TMOD3: variants seen among roughly 807,000 people sequenced by gnomAD.
The protein encoded by TMOD3 is tropomodulin-3.
TMOD3 carries 20 observed loss-of-function variants against 39.2 expected under a neutral mutation model. The observed-to-expected ratio is 0.51, with a 90% CI of 0.36 to 0.74. The LOEUF (loss-of-function observed/expected upper bound fraction) is 0.74. Ranked by LOEUF, TMOD3 falls within the 30% of genes least tolerant of loss-of-function variation. The pLI, the probability that TMOD3 is intolerant of heterozygous loss-of-function variation, is 0.00. For missense variants in TMOD3, 381 were observed against 412.8 expected, an observed-to-expected ratio of 0.92 and a Z score of 0.67; for synonymous variants, 143 against 145.8, an observed-to-expected ratio of 0.98 and a Z score of 0.14.
intron 1 of TMOD3, among the ~76,000 whole-genome samples, chr15:51,832,028 A>G (rs1046116082): frequency 4.6e-5 from 7 of 150,828 alleles, no homozygotes; most frequent in East Asian, 2.0e-4. Context: ...ACAAAATAAA[A>G]TAGATTAGCC....
intron 1 of TMOD3, chr15:51,858,406 A>G (rs1344224120): frequency 1.3e-5 from 2 of 149,640 alleles, no homozygotes; most frequent in East Asian, 3.9e-4. Context: ...ACAAACAGTA[A>G]TGACAATGAT....
At chr15:51,846,151 AC>A (rs202006151) in intron 1 of TMOD3, among the ~76,000 whole-genome samples, 1,228 of 115,508 alleles carry the variant, frequency 0.011, 46 homozygotes, top group East Asian at 0.088. Context: ...CCCCATTTCT[AC>A]CAAAAAAAAA....
chr15:51,891,131 C>G (rs1026401696), intron 5 of TMOD3, among the ~76,000 whole-genome samples: 2 of 152,062 alleles, frequency 1.3e-5, no homozygotes, highest in Admixed American at 6.6e-5. Context: ...TTCCTCTGTT[C>G]TCTCCAAAAT....
rs2056705580 is a variant in TMOD3 at position 51,910,636 on chromosome 15, C to T, written c.*1826C>T. The T allele has an allele frequency of 6.6e-6, 1 of 152,178 alleles. No individual in the cohort carries two copies. Among genetic ancestry groups the T allele is most frequent in the South Asian group, 2.1e-4 (1 of 4,822 alleles). The allele number at this position is 152,178 out of a possible 1,614,324, so 9.4% of individuals were successfully genotyped here. ...AATTGCAATATGTCTGCTACTTTGG[C>T]TTGGGCTGGACAGTTTATCTAATAA... On this transcript the variant is annotated 3_prime_UTR_variant, in exon 10 of 10. Transcript: ENST00000308580.
chr15:51,887,716 C>T lies in TMOD3; in HGVS notation c.406+5C>T, dbSNP rs775853492. The T allele has an allele frequency of 2.5e-6, 4 of 1,613,324 alleles. No individual in the cohort carries two copies. In the Admixed American group the frequency reaches 5.0e-5, roughly 20 times the overall value. On this transcript the variant is annotated splice_donor_5th_base_variant and intron_variant, in intron 4 of 9. Transcript: ENST00000308580. ...CAGAATTGTGTGACCTCGCAGGTATCACCTAAAACAAGTTAATTTGTGAAT... is the reference window on the plus strand; with the variant it reads ...CAGAATTGTGTGACCTCGCAGGTATTACCTAAAACAAGTTAATTTGTGAAT...
intron 3 of TMOD3, among the ~76,000 whole-genome samples, chr15:51,872,022 A>G (rs771667552): frequency 3.9e-5 from 6 of 152,150 alleles, no homozygotes; most frequent in Non-Finnish European, 8.8e-5. Flanking sequence ...TTGTTACTCA[A>G]AGAAAATGCA....
At chr15:51,852,151 G>A (rs1159924641) in intron 1 of TMOD3, among the ~76,000 whole-genome samples, 1 of 152,220 alleles carries the variant, frequency 6.6e-6, no homozygotes, top group Non-Finnish European at 1.5e-5. Flanking sequence ...TCTAGAACAA[G>A]TAATTCATGG....
At chr15:51,831,634 A>G (rs372785415) in intron 1 of TMOD3, among the ~76,000 whole-genome samples, 106 of 152,030 alleles carry the variant, frequency 7.0e-4, no homozygotes, top group African/African-American at 2.5e-3. Flanking sequence ...TTCAACTCTC[A>G]GTTTTTTAAA....
chr15:51,885,293 T>C (rs937787360), intron 3 of TMOD3, among the ~76,000 whole-genome samples: 6 of 150,898 alleles, frequency 4.0e-5, no homozygotes, highest in African/African-American at 7.3e-5. Context: ...TCTTTTTTTT[T>C]TTTTTTTTTA....
At chr15:51,897,243 T>A (rs1327197533) in intron 7 of TMOD3, among the ~76,000 whole-genome samples, 1 of 152,094 alleles carries the variant, frequency 6.6e-6, no homozygotes, top group African/African-American at 2.4e-5. Context: ...ATATATATAT[T>A]ATCTTCATAT....
intron 1 of TMOD3, among the ~76,000 whole-genome samples, chr15:51,848,281 C>T (rs2056345699): frequency 6.6e-6 from 1 of 152,084 alleles, no homozygotes; most frequent in African/African-American, 2.4e-5. Flanking sequence ...AAGGAAATGA[C>T]CTTATGAGAG....
intron 1 of TMOD3, among the ~76,000 whole-genome samples, chr15:51,847,773 A>G (rs1329074018): frequency 6.6e-6 from 1 of 152,194 alleles, no homozygotes; most frequent in Admixed American, 6.5e-5. Context: ...TCAAAGTAAT[A>G]TACGTTATAT....
At position 51,863,025 on chromosome 15, in the gene TMOD3, A is replaced by T. The variant is rs1566857367; in HGVS notation, c.126+15A>T. The T allele has an allele frequency of 1.9e-6, 3 of 1,598,528 alleles. No homozygotes were observed. The highest frequency in any genetic ancestry group is 2.6e-6 in the Non-Finnish European group (3 of 1,174,986). ...TTGACCCCGAGGTAGGTGCTAGGTGATGAAGAGAAATGAAATAACTTTTCG... is the reference window on the plus strand; with the variant it reads ...TTGACCCCGAGGTAGGTGCTAGGTGTTGAAGAGAAATGAAATAACTTTTCG... On this transcript the variant is annotated intron_variant, in intron 2 of 9. Transcript: ENST00000308580.
intron 8 of TMOD3, among the ~76,000 whole-genome samples, chr15:51,901,687 GC>G (rs901111797): frequency 8.6e-5 from 13 of 150,878 alleles, no homozygotes; most frequent in Non-Finnish European, 1.9e-4. Flanking sequence ...ACATTTCATA[GC>G]TTTAAGTGAC....
intron 2 of TMOD3, among the ~76,000 whole-genome samples, chr15:51,865,226 C>G (rs561828809): frequency 2.6e-5 from 4 of 152,242 alleles, no homozygotes; most frequent in South Asian, 2.1e-4. Context: ...ATACCCTCCC[C>G]CTGAGTTGAC....
intron 1 of TMOD3, among the ~76,000 whole-genome samples, chr15:51,854,822 T>C (rs1044985820): frequency 6.6e-6 from 1 of 152,206 alleles, no homozygotes; most frequent in African/African-American, 2.4e-5. Context: ...ATCTAGAATA[T>C]GGCTATTAAT....
chr15:51,874,256 A>G (rs1025521373), intron 3 of TMOD3, among the ~76,000 whole-genome samples: 2 of 152,260 alleles, frequency 1.3e-5, no homozygotes, highest in African/African-American at 4.8e-5. Flanking sequence ...ATGTAAATCC[A>G]TTAATAATTT....
At chr15:51,876,464 CTTTT>C (rs35777134) in intron 3 of TMOD3, among the ~76,000 whole-genome samples, 1 of 136,720 alleles carries the variant, frequency 7.3e-6, no homozygotes, top group African/African-American at 2.7e-5. Flanking sequence ...GCACCCAGCG[CTTTT>C]TTTTTTTTTT....
intron 1 of TMOD3, among the ~76,000 whole-genome samples, chr15:51,842,547 G>A (rs1479032663): frequency 6.6e-6 from 1 of 152,046 alleles, no homozygotes; most frequent in African/African-American, 2.4e-5. Context: ...CTGTCTGTTG[G>A]TTATTTTTCA....
Sources: allele counts gnomAD v4.1 joint callset (sites outside exome capture counted in the v4.1 genomes callset), GRCh38; gene constraint gnomAD v4.1.1; transcripts MANE v1.5; gene names NCBI Gene and HGNC (gene_info 2026-07-23, HGNC 2026-07-21).